CFAP47: variants seen among roughly 807,000 people sequenced by gnomAD.
CFAP47 encodes cilia and flagella associated protein 47, also known as cilia- and flagella-associated protein 47.
CFAP47 carries 29 observed loss-of-function variants against 148.1 expected under a neutral mutation model. The observed-to-expected ratio is 0.20, with a 90% CI of 0.15 to 0.27. The LOEUF is 0.27. CFAP47 is among the 10% of genes least tolerant of loss of function. The pLI is 1.00. For synonymous variants in CFAP47, 664 were observed against 577.3 expected (o/e 1.15, Z -2.15); for missense variants, 1,872 against 1,697.5 (o/e 1.10, Z -1.81).
chrX:36,266,377 G>A (rs4077452), intron 49 of CFAP47, among the ~76,000 whole-genome samples: 11,667 of 111,001 alleles, frequency 0.11, 1,513 homozygotes, highest in African/African-American at 0.36. Flanking sequence ...TACTTGGGGA[G>A]GTGGGTGGCC....
chrX:36,234,826 T>C, intron 46 of CFAP47, among the ~76,000 whole-genome samples: 1 of 112,013 alleles, frequency 8.9e-6, no homozygotes, highest in Non-Finnish European at 1.9e-5. Context: ...TTAGTTTTCC[T>C]TCTAAGAGAC....
intron 1 of CFAP47, among the ~76,000 whole-genome samples, chrX:35,921,039 G>A (rs992147735): frequency 1.8e-5 from 2 of 111,754 alleles, no homozygotes; most frequent in African/African-American, 3.3e-5. Context: ...GATCTCAAAA[G>A]TAAAGTTTGA....
chrX:35,924,125 A>G (rs937426158), intron 1 of CFAP47, among the ~76,000 whole-genome samples: 6 of 99,924 alleles, frequency 6.0e-5, no homozygotes, highest in Non-Finnish European at 1.2e-4. Context: ...GTATGCGTAC[A>G]TATATGTATA....
intron 22 of CFAP47, among the ~76,000 whole-genome samples, chrX:36,025,457 G>A (rs752961619): frequency 8.4e-5 from 9 of 107,144 alleles, no homozygotes; most frequent in Non-Finnish European, 1.5e-4. Context: ...AGCACAGTGA[G>A]ACCCTGTCTC....
chrX:35,950,164 T>G (rs1049489602), intron 4 of CFAP47, among the ~76,000 whole-genome samples: 3 of 111,542 alleles, frequency 2.7e-5, no homozygotes, highest in Non-Finnish European at 3.8e-5. Context: ...ATGCCCAATG[T>G]TATAGGATAT....
intron 2 of CFAP47, among the ~76,000 whole-genome samples, chrX:35,930,905 T>A (rs1421095406): frequency 8.9e-6 from 1 of 111,798 alleles, no homozygotes; most frequent in African/African-American, 3.2e-5. Flanking sequence ...TATCGTTGAC[T>A]TTCCTTTCAT....
At chrX:36,002,550 C>G (rs752313335) in intron 21 of CFAP47, among the ~76,000 whole-genome samples, 1 of 111,086 alleles carries the variant, frequency 9.0e-6, no homozygotes, top group African/African-American at 3.3e-5. Flanking sequence ...CCATTGCACT[C>G]CAGCCTGGGC....
chrX:36,142,999 G>A (rs1939169616), intron 35 of CFAP47, among the ~76,000 whole-genome samples: 1 of 111,554 alleles, frequency 9.0e-6, no homozygotes, highest in South Asian at 3.8e-4. Flanking sequence ...CTTCAAAAGT[G>A]GATGTGACAA....
At chrX:36,211,937 A>G (rs1286643154) in intron 45 of CFAP47, among the ~76,000 whole-genome samples, 1 of 111,562 alleles carries the variant, frequency 9.0e-6, no homozygotes, top group East Asian at 2.8e-4. Flanking sequence ...TGGTATTTAC[A>G]ATAGCCACTA....
At chrX:36,226,546 CAG>C (rs1431280223) in intron 45 of CFAP47, among the ~76,000 whole-genome samples, 1 of 111,204 alleles carries the variant, frequency 9.0e-6, no homozygotes, top group African/African-American at 3.3e-5. Context: ...AAAAATGAAA[CAG>C]ATATTGATTT....
At chrX:36,226,297 T>C (rs1437776820) in intron 45 of CFAP47, among the ~76,000 whole-genome samples, 4 of 111,581 alleles carry the variant, frequency 3.6e-5, no homozygotes, top group Non-Finnish European at 7.5e-5. Flanking sequence ...CAGTCCAGAA[T>C]TGGAAATAGA....
intron 28 of CFAP47, 117 bp downstream of exon 28, chrX:36,072,088 G>A (rs1937765868): frequency 1.8e-6 from 1 of 549,099 alleles, no homozygotes; most frequent in African/African-American, 2.4e-5. Context: ...AAGAAAATTG[G>A]GAATTTGTCA....
chrX:36,200,975 A>C (rs1320894711), intron 43 of CFAP47, among the ~76,000 whole-genome samples: 5 of 109,783 alleles, frequency 4.6e-5, no homozygotes, highest in African/African-American at 1.7e-4. Context: ...CTCTCCCCCT[A>C]CCTATCACTG....
In CFAP47 at chrX:36,010,606, C is replaced by T. The variant is rs772137062; in HGVS notation, c.3418-4168C>T. Among the ~76,000 whole-genome samples the T allele has an allele frequency of 9.1e-5, 10 of 109,909 alleles. No homozygotes were observed. In the East Asian group the frequency reaches 1.1e-3, roughly 13 times the overall value. ...CCGAGTAGCTGGGACTACAGGCACC[C>T]GCCACCATGCCTGGCTAATTTTTTT... On this transcript the variant is annotated intron_variant, in intron 21 of 63. Coordinates refer to ENST00000378653, the MANE Select transcript of CFAP47 (RefSeq NM_001304548.2).
chrX:36,366,176 A>T (rs960337289), intron 61 of CFAP47, among the ~76,000 whole-genome samples: 1 of 111,700 alleles, frequency 9.0e-6, no homozygotes, highest in Admixed American at 9.5e-5. Flanking sequence ...TCTTTCTGTC[A>T]CTTTTAAGTA....
intron 61 of CFAP47, among the ~76,000 whole-genome samples, chrX:36,365,341 C>G (rs782216473): frequency 9.1e-6 from 1 of 110,394 alleles, no homozygotes; most frequent in Admixed American, 9.7e-5. Context: ...AAATTTTACT[C>G]CCTTTTTTTT....
intron 57 of CFAP47, among the ~76,000 whole-genome samples, chrX:36,323,124 A>G (rs1417098740): frequency 9.0e-6 from 1 of 111,312 alleles, no homozygotes. Context: ...TGAATATTTG[A>G]GAACTGAAAA....
Position 36,228,674 on chromosome X carries a change from A to G in CFAP47, c.6864A>G (p.Gln2288=). 1 of 525,182 alleles carries G rather than the reference A, an allele frequency of 1.9e-6. No homozygotes were observed. The highest frequency in any genetic ancestry group is 3.5e-6 in the Non-Finnish European group (1 of 286,338). 43.3% of individuals were successfully genotyped at this position (525,182 alleles called of 1,213,427 possible). The change falls in exon 46 of 64, where the codon CAA becomes CAG. Residue 2288 remains glutamine (Q), a synonymous_variant. Coordinates refer to ENST00000378653, the MANE Select transcript of CFAP47 (RefSeq NM_001304548.2). ...VPLPLQFLPL[Q]SGRYPCKILL... ...TTCCTTTGCAATTTCTTCCTCTCCA[A>G]TCTGGACGCTACCCTTGTAAAATTT... is the stretch of plus-strand genomic sequence containing the variant.
chrX:36,047,586 A>G (rs1432871994), intron 26 of CFAP47, among the ~76,000 whole-genome samples: 1 of 112,174 alleles, frequency 8.9e-6, no homozygotes. Context: ...GACCAGAAAT[A>G]CCATTTTTAC....
Sources: gnomAD v4.1 joint callset for allele counts (sites outside exome capture counted in the v4.1 genomes callset) on GRCh38, gnomAD v4.1.1 for gene constraint, MANE v1.5 for transcripts, NCBI Gene and HGNC (gene_info 2026-07-23, HGNC 2026-07-21) for gene names.